LGALS3: variants seen among roughly 807,000 people sequenced by gnomAD.
The protein encoded by LGALS3 is galectin 3, also known as galectin-3.
In LGALS3, 18 loss-of-function variants were observed where a neutral mutation model predicts 20.7. The observed-to-expected ratio is 0.87, with a 90% confidence interval of 0.60 to 1.29. The LOEUF (loss-of-function observed/expected upper bound fraction) is 1.29. Among genes scored for constraint, LGALS3 ranks in the 50% most tolerant of loss-of-function variants. The pLI is 0.00. For missense variants in LGALS3, 315 were observed against 314.7 expected, an observed-to-expected ratio of 1.00 and a Z score of -0.01; for synonymous variants, 112 against 119.6, an observed-to-expected ratio of 0.94 and a Z score of 0.42.
At chr14:55,141,451 C>T (rs765281184) in intron 4 of LGALS3, among the ~76,000 whole-genome samples, 3 of 152,214 alleles carry the variant, frequency 2.0e-5, no homozygotes, top group African/African-American at 4.8e-5. Context: ...CTCTCCTCCT[C>T]CCACAACCCC....
intron 1 of LGALS3, among the ~76,000 whole-genome samples, chr14:55,133,448 C>T (rs889417073): frequency 2.0e-5 from 3 of 152,162 alleles, no homozygotes; most frequent in Admixed American, 6.5e-5. Context: ...AAGCCTGCTA[C>T]TAAGTGACTT....
At chr14:55,144,627 T>G (rs1881749713) in intron 5 of LGALS3, among the ~76,000 whole-genome samples, 1 of 152,206 alleles carries the variant, frequency 6.6e-6, no homozygotes, top group South Asian at 2.1e-4. Flanking sequence ...GCAGTGGCAC[T>G]ATCTCGGCTA....
chr14:55,133,240 C>G (rs565199602), intron 1 of LGALS3, among the ~76,000 whole-genome samples: 4 of 152,098 alleles, frequency 2.6e-5, no homozygotes, highest in Non-Finnish European at 5.9e-5. Flanking sequence ...TAAAAAGACA[C>G]GAGCCCTACT....
chr14:55,135,079 G>A (rs1881344520), intron 1 of LGALS3, among the ~76,000 whole-genome samples: 1 of 152,008 alleles, frequency 6.6e-6, no homozygotes, highest in African/African-American at 2.4e-5. Flanking sequence ...ACATGAGCCT[G>A]GGAGGTGGAG....
chr14:55,137,939 C>CT, intron 2 of LGALS3, 106 bp from the exon 3 acceptor site: 1 of 1,397,168 alleles, frequency 7.2e-7, no homozygotes, highest in Non-Finnish European at 9.3e-7. Flanking sequence ...CATGTAATGC[C>CT]TTTGCCATAT....
intron 4 of LGALS3, 68 bp from the exon 5 acceptor site, chr14:55,142,516 C>T (rs2075601): frequency 0.46 from 592,257 of 1,294,442 alleles, 143,591 homozygotes; most frequent in African/African-American, 0.88. Flanking sequence ...TAGAAAATTA[C>T]ATGTTCTTTA....
intron 4 of LGALS3, 155 bp downstream of exon 4, chr14:55,140,518 TCA>T: frequency 1.8e-6 from 1 of 566,870 alleles, no homozygotes; most frequent in Non-Finnish European, 3.1e-6. Context: ...GGCTATACCA[TCA>T]TATAGGATTA....
chr14:55,130,398 T>A lies in LGALS3; in HGVS notation c.-5+1098T>A, dbSNP rs191718066. ...TGGGTTGCTGCGCAATGAGGACACC[T>A]GGACCTCAGTGACTCAGGCTGTCTC... On this transcript the variant is annotated intron_variant, in intron 1 of 5. Coordinates refer to ENST00000254301, the MANE Select transcript of LGALS3 (RefSeq NM_002306.4). Among the ~76,000 whole-genome samples, 6 of 152,264 alleles carry A rather than the reference T, an allele frequency of 3.9e-5. No homozygotes were observed. In the East Asian group the frequency reaches 1.2e-3, roughly 29 times the overall value.
intron 1 of LGALS3, among the ~76,000 whole-genome samples, chr14:55,132,373 T>C (rs1881257366): frequency 6.6e-6 from 1 of 152,028 alleles, no homozygotes; most frequent in African/African-American, 2.4e-5. Flanking sequence ...GGTTCACATA[T>C]CTATAGTGTC....
intron 4 of LGALS3, 60 bp downstream of exon 4, chr14:55,140,423 TG>T: frequency 9.3e-7 from 1 of 1,080,314 alleles, no homozygotes; most frequent in Non-Finnish European, 1.4e-6. Context: ...GAATAAAGAA[TG>T]GCCTACTTTT....
At chr14:55,130,091 C>G (rs1881181881) in intron 1 of LGALS3, among the ~76,000 whole-genome samples, 1 of 152,234 alleles carries the variant, frequency 6.6e-6, no homozygotes, top group South Asian at 2.1e-4. Flanking sequence ...CCCCTCCCTG[C>G]CCAGACTGTC....
intron 1 of LGALS3, 175 bp from the exon 2 acceptor site, chr14:55,137,195 C>A: frequency 1.4e-6 from 1 of 700,344 alleles, no homozygotes; most frequent in Non-Finnish European, 2.6e-6. Context: ...GTTTGGCAAT[C>A]TAGCTGGATA....
chr14:55,138,256 G>A lies in LGALS3; in HGVS notation c.230G>A (p.Gly77Glu), dbSNP rs1209989765. ...PGAYPGAPAP[G>E]VYPGPPSGPG... ...GCTTATCCCGGAGCACCTGCACCTG[G>A]AGTCTACCCAGGGCCACCCAGCGGC... Residue 77 changes from glycine (G) to glutamate (E), a missense_variant, in exon 3 of 6, where the codon GGA becomes GAA. By Grantham distance (98) the Gly-to-Glu change is moderately conservative. Coordinates refer to ENST00000254301, the MANE Select transcript of LGALS3 (RefSeq NM_002306.4). 6.2e-7 allele frequency: 1 copy of A among 1,613,108 alleles called. No homozygotes were observed. The highest frequency in any genetic ancestry group is 1.1e-5 in the South Asian group (1 of 91,082).
chr14:55,138,097 G>T lies in LGALS3; in HGVS notation c.71G>T (p.Gly24Val). The change falls in exon 3 of 6, where the codon GGC (glycine) becomes GTC (valine). Residue 24 changes from glycine to valine, a missense_variant. Physicochemically the swap from Gly to Val is moderately radical, Grantham distance 109. Coordinates refer to ENST00000254301, the MANE Select transcript of LGALS3 (RefSeq NM_002306.4). Reference protein sequence around the residue: ...SGNPNPQGWPGAWGNQPAGAG... With the variant: ...SGNPNPQGWPVAWGNQPAGAG... ...AACCCAAACCCTCAAGGATGGCCTGGCGCATGGGGGAACCAGCCTGCTGGG... is the reference window on the plus strand; with the variant it reads ...AACCCAAACCCTCAAGGATGGCCTGTCGCATGGGGGAACCAGCCTGCTGGG... The T allele has an allele frequency of 6.5e-7, 1 of 1,529,644 alleles. No homozygotes were observed. The highest frequency in any genetic ancestry group is 8.8e-7 in the Non-Finnish European group (1 of 1,142,266). The allele number at this position is 1,529,644 out of a possible 1,614,324, so 94.8% of individuals were successfully genotyped here.
At chr14:55,144,102 T>C (rs147863612) in intron 5 of LGALS3, among the ~76,000 whole-genome samples, 114 of 152,342 alleles carry the variant, frequency 7.5e-4, no homozygotes, top group African/African-American at 2.5e-3. Flanking sequence ...AGAGGAATCC[T>C]ATTTTCGTGT....
chr14:55,145,022 T>C (rs997743214), intron 5 of LGALS3, 94 bp from the exon 6 acceptor site: 38 of 989,874 alleles, frequency 3.8e-5, no homozygotes, highest in Non-Finnish European at 5.7e-5. Context: ...ATTGTTTCTA[T>C]AGTGCAGATG....
In LGALS3 at chr14:55,138,221, A is replaced by G. The variant is rs757148764; in HGVS notation, c.195A>G (p.Gly65=). 17 of 1,612,656 alleles carry G rather than the reference A, an allele frequency of 1.1e-5. No individual in the cohort carries two copies. Among genetic ancestry groups the G allele is most frequent in the Admixed American group, 1.7e-5 (1 of 59,984 alleles). The change falls in exon 3 of 6, where the codon GGA becomes GGG. Residue 65 remains glycine, a synonymous_variant. Transcript: ENST00000254301. Reference sequence around the variant, plus strand: ...AGGCACCTCCAGGCGCCTACCCTGGAGCACCTGGAGCTTATCCCGGAGCAC... The same window carrying G: ...AGGCACCTCCAGGCGCCTACCCTGGGGCACCTGGAGCTTATCCCGGAGCAC... ...PGQAPPGAYP[G]APGAYPGAPA... is the part of the protein sequence containing the mutation.
At chr14:55,131,466 T>C (rs1490976730) in intron 1 of LGALS3, among the ~76,000 whole-genome samples, 2 of 152,248 alleles carry the variant, frequency 1.3e-5, no homozygotes, top group East Asian at 1.9e-4. Flanking sequence ...TTTGTTCATG[T>C]AGTATGCCTT....
rs377311837 is a variant in LGALS3 at position 55,138,338 on chromosome 14, T to G, written c.312T>G (p.Thr104=). ...GTGCCACCGGAGCCTACCCTGCCAC[T>G]GGCCCCTATGGCGCCCCTGCTGGGC... is the stretch of plus-strand genomic sequence containing the variant. ...QPSATGAYPA[T]GPYGAPAGPL... is the part of the protein sequence containing the mutation. Residue 104 remains threonine, a synonymous_variant, in exon 3 of 6, where the codon ACT becomes ACG. Coordinates refer to ENST00000254301, the MANE Select transcript of LGALS3 (RefSeq NM_002306.4). 3 of 1,612,702 alleles carry G rather than the reference T, an allele frequency of 1.9e-6. No individual in the cohort carries two copies. The African/African-American group carries it at 4.0e-5, about 22-fold the overall frequency.
Sources: gnomAD v4.1 joint callset for allele counts (sites outside exome capture counted in the v4.1 genomes callset) on GRCh38, gnomAD v4.1.1 for gene constraint, MANE v1.5 for transcripts, NCBI Gene and HGNC (gene_info 2026-07-23, HGNC 2026-07-21) for gene names.